PIK3R6: variants seen among roughly 807,000 people sequenced by gnomAD.
The protein encoded by PIK3R6 is phosphoinositide-3-kinase regulatory subunit 6.
A neutral mutation model predicts 84.9 loss-of-function variants in PIK3R6; 91 were observed. That is an observed-to-expected ratio of 1.07 (90% CI 0.90 to 1.28). The LOEUF is 1.28. Ranked by LOEUF, PIK3R6 falls within the 50% of genes most tolerant of loss-of-function variation. The pLI is 0.00. For missense variants in PIK3R6, 996 were observed against 985.1 expected (o/e 1.01, Z -0.15); for synonymous variants, 416 against 411.4 (o/e 1.01, Z -0.13).
chr17:8,839,684 G>A lies in PIK3R6; in HGVS notation c.27C>T (p.Asp9=), dbSNP rs1168362314. 1 of 1,574,164 alleles carries A rather than the reference G, an allele frequency of 6.4e-7. No homozygotes were observed. Among genetic ancestry groups the A allele is most frequent in the Admixed American group, 1.9e-5 (1 of 53,646 alleles). The change falls in exon 3 of 20, where the codon GAC becomes GAT. Residue 9 remains aspartate, a synonymous_variant. Transcript: ENST00000619866. The surrounding 1 kb of genome is among the most constrained non-coding windows in gnomAD (Gnocchi z 4.2). MESSDVEL[D]LQRSVQAVLR... is the part of the protein sequence containing the mutation. ...GCACAGCCTGCACGCTCCTCTGGAG[G>A]TCCAGCTCCACATCTGGGCAGTGGT... is the stretch of plus-strand genomic sequence containing the variant.
Position 8,839,647 on chromosome 17 carries a change from TG to T in PIK3R6, c.63del (p.Ser22AlafsTer59). 1 of 1,579,892 alleles carries T rather than the reference TG, an allele frequency of 6.3e-7. No individual in the cohort carries two copies. The highest frequency in any genetic ancestry group is 8.6e-7 in the Non-Finnish European group (1 of 1,162,684). ...CTCTGCAGGGCAGGGGCCTGGGTGC[TG>T]AGCTCCCGGAGCACAGCCTGCACGC... ...QRSVQAVLRE[L>X]STQAPALQSN... is the part of the protein sequence containing the mutation. On this transcript the variant is annotated frameshift_variant, in exon 3 of 20. Coordinates refer to ENST00000619866, the MANE Select transcript of PIK3R6 (RefSeq NM_001010855.4). LOFTEE classifies it high-confidence loss of function. This position sits in a 1 kb window ranked among gnomAD's most constrained non-coding sequence, Gnocchi z 4.2.
intron 1 of PIK3R6, among the ~76,000 whole-genome samples, chr17:8,860,367 C>A (rs1299738684): frequency 6.6e-6 from 1 of 152,150 alleles, no homozygotes; most frequent in Non-Finnish European, 1.5e-5. Context: ...ATCCAGGCTG[C>A]CCGTTTCTTA....
At chr17:8,814,867 T>C (rs2087479004) in intron 18 of PIK3R6, among the ~76,000 whole-genome samples, 2 of 152,070 alleles carry the variant, frequency 1.3e-5, no homozygotes. Flanking sequence ...CAAGGTATAT[T>C]CTTGTGACAT....
Position 8,831,203 on chromosome 17 carries a change from G to T in PIK3R6, c.803-1411C>A, listed in dbSNP as rs980287028. The stretch of plus-strand genomic sequence containing the variant: ...GGCTTAGCCAGGTGTGGTGGCACGT[G>T]CCTGTGGTCCCAGCTAGTCGAAAGG... On this transcript the variant is annotated intron_variant, in intron 9 of 19. Transcript: ENST00000619866. 2.0e-5 allele frequency among the ~76,000 whole-genome samples: 3 copies of T among 149,080 alleles called. No individual in the cohort carries two copies. In the Admixed American group the frequency reaches 2.0e-4, roughly 10 times the overall value.
chr17:8,803,255 C>T lies in PIK3R6; in HGVS notation c.*18G>A, dbSNP rs371348148. 1,092 of 1,611,746 alleles carry T rather than the reference C, an allele frequency of 6.8e-4. 1 individual carries two copies. Among genetic ancestry groups the T allele is most frequent in the Non-Finnish European group, 8.7e-4 (1,022 of 1,179,688 alleles). On this transcript the variant is annotated 3_prime_UTR_variant, in exon 20 of 20. Transcript: ENST00000619866. The surrounding 1 kb of genome is among the most constrained non-coding windows in gnomAD (Gnocchi z 5.0). ...GGGGTAGTGTATCCTTCCTCCTGGG[C>T]CTGCTGTCCCTGCAGGCTCACTGGA...
rs867057166 is a variant in PIK3R6, at chr17:8,865,997, G to A, written c.-92+1532C>T. Among the ~76,000 whole-genome samples, 5 of 152,330 alleles carry A rather than the reference G, an allele frequency of 3.3e-5. No individual in the cohort carries two copies. In the South Asian group the frequency reaches 6.2e-4, roughly 19 times the overall value. On this transcript the variant is annotated intron_variant, in intron 1 of 19. Coordinates refer to ENST00000619866, the MANE Select transcript of PIK3R6 (RefSeq NM_001010855.4). ...CTGCAGCTTGGCATCTGCAGCCACC[G>A]TGTCAGCCGAGGCGCTTTCGTGGAG... is the stretch of plus-strand genomic sequence containing the variant.
intron 1 of PIK3R6, among the ~76,000 whole-genome samples, chr17:8,859,439 C>T (rs550039575): frequency 6.6e-5 from 10 of 152,318 alleles, no homozygotes; most frequent in South Asian, 2.1e-4. Flanking sequence ...GCCCCATGCA[C>T]GCAGCATGCT....
chr17:8,812,570 T>G (rs577257661), intron 18 of PIK3R6, among the ~76,000 whole-genome samples: 19 of 152,260 alleles, frequency 1.2e-4, no homozygotes, highest in Non-Finnish European at 2.2e-4. Flanking sequence ...CAGACCACAG[T>G]GGAATAAAAC....
At position 8,821,849 on chromosome 17, in the gene PIK3R6, C is replaced by T. The variant is rs1186006599; in HGVS notation, c.1876G>A (p.Glu626Lys). The change falls in exon 17 of 20, where the codon GAA (glutamate) becomes AAA (lysine). Residue 626 changes from glutamate (E) to lysine (K), a missense_variant. Coordinates refer to ENST00000619866, the MANE Select transcript of PIK3R6 (RefSeq NM_001010855.4). Reference protein sequence around the residue: ...ILKAIPASDTEVSGSSHCPLP... With the variant: ...ILKAIPASDTKVSGSSHCPLP... ...CTCTGCATTCCCCATTCCTCACCTT[C>T]TGTGTCGCTGGCTGGAATGGCCTTC... The T allele has an allele frequency of 1.9e-6, 3 of 1,592,652 alleles. No homozygotes were observed. Among genetic ancestry groups the T allele is most frequent in the Non-Finnish European group, 2.6e-6 (3 of 1,169,268 alleles).
In PIK3R6 at chr17:8,839,341, C is replaced by G. The variant is rs1040696145; in HGVS notation, c.97+273G>C. On this transcript the variant is annotated intron_variant, in intron 3 of 19. Transcript: ENST00000619866. This position sits in a 1 kb window ranked among gnomAD's most constrained non-coding sequence, Gnocchi z 4.2. ...GCAGCCTGGGTGACAGAGTAGGACTCCATCTCAAAAACAAAAGAAAAAAAA... is the reference window on the plus strand; with the variant it reads ...GCAGCCTGGGTGACAGAGTAGGACTGCATCTCAAAAACAAAAGAAAAAAAA... Among the ~76,000 whole-genome samples, 1 of 148,108 alleles carries G rather than the reference C, an allele frequency of 6.8e-6. No homozygotes were observed. Among genetic ancestry groups the G allele is most frequent in the Non-Finnish European group, 1.5e-5 (1 of 66,964 alleles).
In PIK3R6 at chr17:8,832,965, C is replaced by CGGGCT. The variant is rs770702716; in HGVS notation, c.721_725dup (p.Ser243AlafsTer8). On this transcript the variant is annotated frameshift_variant, in exon 9 of 20. Transcript: ENST00000619866. LOFTEE classifies it high-confidence loss of function. ...GCCTCTCTACGTGTCCCTCCCGGCT[C>CGGGCT]GGGCTGGCCTCGCTGGCCATCTGCT... 4 of 1,612,506 alleles carry CGGGCT rather than the reference C, an allele frequency of 2.5e-6. No individual in the cohort carries two copies. Among genetic ancestry groups the CGGGCT allele is most frequent in the Middle Eastern group, 3.3e-4 (2 of 6,058 alleles).
intron 9 of PIK3R6, 138 bp downstream of exon 9, chr17:8,832,751 C>CCCAGTCCCCA: frequency 7.4e-7 from 1 of 1,342,618 alleles, no homozygotes; most frequent in Non-Finnish European, 1.0e-6. Flanking sequence ...CCAGGCTGCC[C>CCCAGTCCCCA]CCAGTCCCCA....
intron 17 of PIK3R6, 103 bp downstream of exon 17, chr17:8,821,743 G>A (rs1443275480): frequency 4.4e-5 from 56 of 1,275,828 alleles, no homozygotes; most frequent in Non-Finnish European, 5.7e-5. Flanking sequence ...CTCCAGTTCC[G>A]TGACTGAGAG....
At chr17:8,823,528 A>C (rs2074257) in intron 13 of PIK3R6, 31 bp from the exon 14 acceptor site, 86,433 of 1,479,858 alleles carry the variant, frequency 0.058, 7,591 homozygotes, top group East Asian at 0.33. Context: ...GTCTTCACCA[A>C]CTCCCCCAAG....
At position 8,824,926 on chromosome 17, in the gene PIK3R6, T is replaced by G. The variant is rs575721127; in HGVS notation, c.1516-1429A>C. On this transcript the variant is annotated intron_variant, in intron 13 of 19. Transcript: ENST00000619866. ...TGATAAAGCAAAATGGAGAGCTCAG[T>G]ACAGTGACAAGTTAAAAAACAGATA... Among the ~76,000 whole-genome samples the G allele has an allele frequency of 3.9e-5, 6 of 152,308 alleles. No homozygotes were observed. In the South Asian group the frequency reaches 1.2e-3, roughly 32 times the overall value.
chr17:8,827,023 A>T, intron 13 of PIK3R6, 149 bp downstream of exon 13: 1 of 879,584 alleles, frequency 1.1e-6, no homozygotes, highest in Non-Finnish European at 1.7e-6. Flanking sequence ...CTGACTCTTA[A>T]GGTCAAAGGT....
chr17:8,855,472 T>C lies in PIK3R6; in HGVS notation c.-91-5587A>G, dbSNP rs77052741. The stretch of plus-strand genomic sequence containing the variant: ...AACACATTAAAAAAATGCTCAATGC[T>C]ATCAGCAGTTTGGGAAAGGCAGATG... On this transcript the variant is annotated intron_variant, in intron 1 of 19. Coordinates refer to ENST00000619866, the MANE Select transcript of PIK3R6 (RefSeq NM_001010855.4). Among the ~76,000 whole-genome samples, 732 of 152,322 alleles carry C rather than the reference T, an allele frequency of 4.8e-3. 9 individuals carry two copies. Among genetic ancestry groups the C allele is most frequent in the African/African-American group, 0.017 (699 of 41,568 alleles).
rs1345327418 is a variant in PIK3R6 at position 8,803,297 on chromosome 17, G to A, written c.2241C>T (p.Asn747=). The part of the protein sequence containing the change: ...AKPKPLLMPI[N]TFSGIVQ ...CTCACTGGACAATACCAGAGAATGTGTTGATGGGCATCAGAAGGGGCTTGG... is the reference window on the plus strand; with the variant it reads ...CTCACTGGACAATACCAGAGAATGTATTGATGGGCATCAGAAGGGGCTTGG... Residue 747 remains asparagine (N), a synonymous_variant, in exon 20 of 20, where the codon AAC becomes AAT. Transcript: ENST00000619866. The surrounding 1 kb of genome is among the most constrained non-coding windows in gnomAD (Gnocchi z 5.0). 1.9e-6 allele frequency: 3 copies of A among 1,612,844 alleles called. No homozygotes were observed. Among genetic ancestry groups the A allele is most frequent in the African/African-American group, 1.3e-5 (1 of 75,002 alleles).
rs2088306490 is a variant in PIK3R6 at position 8,832,944 on chromosome 17, C to G, written c.747G>C (p.Glu249Asp). 3.1e-6 allele frequency: 5 copies of G among 1,613,044 alleles called. No homozygotes were observed. The highest frequency in any genetic ancestry group is 4.2e-6 in the Non-Finnish European group (5 of 1,179,756). Reference sequence around the variant, plus strand: ...GCGAGCAGTAAATCTCCTCCAGCCTCTCTACGTGTCCCTCCCGGCTCGGGC... The same window carrying G: ...GCGAGCAGTAAATCTCCTCCAGCCTGTCTACGTGTCCCTCCCGGCTCGGGC... Reference protein sequence around the residue: ...EASPSREGHVERLEEIYCSLL... With the variant: ...EASPSREGHVDRLEEIYCSLL... The change falls in exon 9 of 20, where the codon GAG becomes GAC. Residue 249 changes from glutamate to aspartate, a missense_variant. Glu to Asp is a conservative substitution (Grantham distance 45). Transcript: ENST00000619866.
Sources: allele counts gnomAD v4.1 joint callset (sites outside exome capture counted in the v4.1 genomes callset), GRCh38; gene constraint gnomAD v4.1.1; non-coding constraint Gnocchi (gnomAD v3.1); transcripts MANE v1.5; gene names NCBI Gene and HGNC (gene_info 2026-07-23, HGNC 2026-07-21).